Variants in STX11 observed in about 807,000 individuals in gnomAD.
STX11 encodes syntaxin 11, also known as syntaxin-11.
Under a neutral mutation model 19.9 loss-of-function variants are expected in STX11, and 21 were observed. The observed-to-expected ratio is 1.06, with a 90% confidence interval of 0.75 to 1.52. The LOEUF (loss-of-function observed/expected upper bound fraction) is 1.52. Among genes scored for constraint, STX11 ranks in the 40% most tolerant of loss-of-function variants. The pLI, the probability that STX11 is intolerant of heterozygous loss-of-function variation, is 0.00. For synonymous variants in STX11, 193 were observed against 174.4 expected (o/e 1.11, Z -0.84); for missense variants, 438 against 405.9 (o/e 1.08, Z -0.68).
Position 144,175,888 on chromosome 6 carries a change from T to C in STX11, c.-5-10735T>C, listed in dbSNP as rs1801766561. On this transcript the variant is annotated intron_variant, in intron 1 of 1. Transcript: ENST00000367568. The surrounding 1 kb of genome is among the most constrained non-coding windows in gnomAD (Gnocchi z 5.1). ...GACCGATAAAGACAAGGTTGGAAGA[T>C]GTGGCTTACATCTGTGGGACTGTGC... Among the ~76,000 whole-genome samples the C allele has an allele frequency of 6.6e-6, 1 of 152,216 alleles. No individual in the cohort carries two copies. The highest frequency in any genetic ancestry group is 2.4e-5 in the African/African-American group (1 of 41,456).
chr6:144,150,018 G>GTCGGCAGGGTTCTGGGAAGGCGGTGC (rs1443939663), upstream of STX11, among the ~76,000 whole-genome samples: 3,329 of 152,152 alleles, frequency 0.022, 117 homozygotes, highest in African/African-American at 0.075. Flanking sequence ...AGAGAGGTTG[G>GTCGGCAGGGTTCTGGGAAGGCGGTGC]TCGGCAGGGT....
chr6:144,150,601 G>C lies in STX11; in HGVS notation c.-108G>C. The C allele has an allele frequency of 1.0e-6, 1 of 985,450 alleles. No individual in the cohort carries two copies. Among genetic ancestry groups the C allele is most frequent in the Non-Finnish European group, 1.2e-6 (1 of 829,962 alleles). 61.0% of individuals were successfully genotyped at this position (985,450 alleles called of 1,614,324 possible). On this transcript the variant is annotated 5_prime_UTR_variant, in exon 1 of 2. Transcript: ENST00000367568. The stretch of plus-strand genomic sequence containing the variant: ...AGGAGGCGCCGGGAGCGGAGCCGCC[G>C]GGAGTCGCGCAACAGGTTTCCTTCT...
Position 144,155,941 on chromosome 6 carries a change from T to C in STX11, c.-6+5238T>C, listed in dbSNP as rs1391585357. 2.0e-4 allele frequency among the ~76,000 whole-genome samples: 1 copy of C among 5,022 alleles called. No individual in the cohort carries two copies. The highest frequency in any genetic ancestry group is 3.6e-4 in the African/African-American group (1 of 2,766). 3.3% of individuals were successfully genotyped at this position (5,022 alleles called of 152,430 possible). A position where few individuals can be genotyped will look rare whatever the true frequency, so the allele number is the denominator to read the frequency against. ...TAATTAAATGTGTTTTAAAATTTAA[T>C]CTTTCTTTCTTTCTTTCTTTCTTTC... On this transcript the variant is annotated intron_variant, in intron 1 of 1. Coordinates refer to ENST00000367568, the MANE Select transcript of STX11 (RefSeq NM_003764.4). The surrounding 1 kb of genome is among the most constrained non-coding windows in gnomAD (Gnocchi z 4.5).
In STX11 at chr6:144,183,242, C is replaced by A. The variant is rs1801949384; in HGVS notation, c.-5-3381C>A. On this transcript the variant is annotated intron_variant, in intron 1 of 1. Coordinates refer to ENST00000367568, the MANE Select transcript of STX11 (RefSeq NM_003764.4). The surrounding 1 kb of genome is among the most constrained non-coding windows in gnomAD (Gnocchi z 4.6). ...TTTCTGTTTCAGAATGCTGCACATT[C>A]TCTTTCTCCATAACTACTTTTTATG... Among the ~76,000 whole-genome samples, 2 of 152,236 alleles carry A rather than the reference C, an allele frequency of 1.3e-5. No individual in the cohort carries two copies. The highest frequency in any genetic ancestry group is 4.8e-5 in the African/African-American group (2 of 41,472).
intron 1 of STX11, among the ~76,000 whole-genome samples, chr6:144,161,753 T>A (rs1251393346): frequency 6.6e-6 from 1 of 152,214 alleles, no homozygotes; most frequent in Non-Finnish European, 1.5e-5. Context: ...TCTAGATACG[T>A]GCACCCACCA....
At chr6:144,144,924 G>C in the STX11 span, among the ~76,000 whole-genome samples, 1 of 152,310 alleles carries the variant, frequency 6.6e-6, no homozygotes, top group Admixed American at 6.5e-5. Flanking sequence ...GGAGACACTG[G>C]AACCCTTGGG....
In STX11 at chr6:144,172,786, C is replaced by T. The variant is rs1295295096; in HGVS notation, c.-5-13837C>T. ...CAGAGATAGCTCTTCTTATGCTGAT[C>T]CTCTTGATCCCAAGACAATGAACAG... is the stretch of plus-strand genomic sequence containing the variant. On this transcript the variant is annotated intron_variant, in intron 1 of 1. Coordinates refer to ENST00000367568, the MANE Select transcript of STX11 (RefSeq NM_003764.4). This position sits in a 1 kb window ranked among gnomAD's most constrained non-coding sequence, Gnocchi z 4.2. Among the ~76,000 whole-genome samples, 1 of 152,078 alleles carries T rather than the reference C, an allele frequency of 6.6e-6. No individual in the cohort carries two copies. The highest frequency in any genetic ancestry group is 2.4e-5 in the African/African-American group (1 of 41,394).
chr6:144,166,360 G>T (rs1801477185), intron 1 of STX11, among the ~76,000 whole-genome samples: 1 of 152,132 alleles, frequency 6.6e-6, no homozygotes, highest in Non-Finnish European at 1.5e-5. Context: ...TGGCTTAGAT[G>T]CTTCAAGATT....
upstream of STX11, chr6:144,150,420 C>T (rs1800967950): frequency 3.3e-6 from 3 of 901,056 alleles, no homozygotes; most frequent in African/African-American, 1.8e-5. Flanking sequence ...CTCTGTGAGC[C>T]GGCTGCCGCC....
upstream of STX11, chr6:144,150,515 C>T (rs1391900842): frequency 5.1e-6 from 5 of 985,340 alleles, no homozygotes; most frequent in Non-Finnish European, 6.0e-6. Context: ...CCGGCGGCGC[C>T]CAGATGCGGC....
In STX11 at chr6:144,169,257, G is replaced by A. The variant is rs539919452; in HGVS notation, c.-5-17366G>A. On this transcript the variant is annotated intron_variant, in intron 1 of 1. Coordinates refer to ENST00000367568, the MANE Select transcript of STX11 (RefSeq NM_003764.4). The surrounding 1 kb of genome is among the most constrained non-coding windows in gnomAD (Gnocchi z 5.2). ...TCTCAGCTCTAGTCAGTGTCTTTCC[G>A]GGGCAATAACACCAAAACGGTGATG... 2.0e-5 allele frequency among the ~76,000 whole-genome samples: 3 copies of A among 152,244 alleles called. No homozygotes were observed. The highest frequency in any genetic ancestry group is 4.1e-4 in the South Asian group (2 of 4,828).
chr6:144,154,949 C>T lies in STX11; in HGVS notation c.-6+4246C>T, dbSNP rs1332085055. On this transcript the variant is annotated intron_variant, in intron 1 of 1. Coordinates refer to ENST00000367568, the MANE Select transcript of STX11 (RefSeq NM_003764.4). The surrounding 1 kb of genome is among the most constrained non-coding windows in gnomAD (Gnocchi z 4.7). ...AACAACCCTGTCCACCCGCCCCCAC[C>T]GCCTCCAAAAAAATGATCCCAACTC... Among the ~76,000 whole-genome samples, 1 of 152,126 alleles carries T rather than the reference C, an allele frequency of 6.6e-6. No individual in the cohort carries two copies. Among genetic ancestry groups the T allele is most frequent in the Non-Finnish European group, 1.5e-5 (1 of 68,014 alleles).
rs1195968119 is a variant in STX11, at chr6:144,159,380, C to T, written c.-6+8677C>T. ...TATAGAGCTGGAAACCCAGCCTAGT[C>T]TAAGGTCAGAGGAAGTGTCTCATTT... On this transcript the variant is annotated intron_variant, in intron 1 of 1. Coordinates refer to ENST00000367568, the MANE Select transcript of STX11 (RefSeq NM_003764.4). The surrounding 1 kb of genome is among the most constrained non-coding windows in gnomAD (Gnocchi z 4.3). Among the ~76,000 whole-genome samples the T allele has an allele frequency of 6.6e-6, 1 of 152,158 alleles. No individual in the cohort carries two copies. Among genetic ancestry groups the T allele is most frequent in the East Asian group, 1.9e-4 (1 of 5,192 alleles).
At chr6:144,140,762 T>C in the STX11 span, 18 of 984,734 alleles carry the variant, frequency 1.8e-5, no homozygotes, top group South Asian at 9.4e-5. Flanking sequence ...GGGGATGAAA[T>C]GGATGAAGGG....
At position 144,191,396 on chromosome 6, in the gene STX11, CTT is replaced by C. The variant is rs1019335020; in HGVS notation, c.*3909_*3910del. ...AACAACTTAAAAAGAGAACAGTACT[CTT>C]TTTATATCAATGCCTTTACATTTAT... On this transcript the variant is annotated 3_prime_UTR_variant, in exon 2 of 2. Coordinates refer to ENST00000367568, the MANE Select transcript of STX11 (RefSeq NM_003764.4). Among the ~76,000 whole-genome samples the C allele has an allele frequency of 2.6e-5, 4 of 151,034 alleles. No homozygotes were observed. The highest frequency in any genetic ancestry group is 9.8e-5 in the African/African-American group (4 of 40,966).
Position 144,174,037 on chromosome 6 carries a change from A to T in STX11, c.-5-12586A>T, listed in dbSNP as rs1465018422. Among the ~76,000 whole-genome samples, 1 of 152,198 alleles carries T rather than the reference A, an allele frequency of 6.6e-6. No individual in the cohort carries two copies. The highest frequency in any genetic ancestry group is 2.4e-5 in the African/African-American group (1 of 41,436). On this transcript the variant is annotated intron_variant, in intron 1 of 1. Transcript: ENST00000367568. This position sits in a 1 kb window ranked among gnomAD's most constrained non-coding sequence, Gnocchi z 5.3. The stretch of plus-strand genomic sequence containing the variant: ...TTCTCACTATCCTGTTGATTGGCTG[A>T]GCAGTCTTCTGTTGGGCTCTCCGCG...
intron 1 of STX11, among the ~76,000 whole-genome samples, chr6:144,179,449 G>A (rs1439812930): frequency 1.3e-5 from 2 of 152,352 alleles, no homozygotes; most frequent in South Asian, 2.1e-4. Context: ...TCCATTTGTT[G>A]TTCTTTAAGG....
At position 144,187,002 on chromosome 6, in the gene STX11, G is replaced by C; in HGVS notation, c.375G>C (p.Ala125=). 6.2e-7 allele frequency: 1 copy of C among 1,610,384 alleles called. No homozygotes were observed. The highest frequency in any genetic ancestry group is 8.5e-7 in the Non-Finnish European group (1 of 1,179,668). ...EAQHGPHSAV[A]RISRAQYNAL... ...AGCACGGCCCGCACTCGGCAGTGGC[G>C]CGCATTTCGCGGGCGCAGTACAACG... Residue 125 remains alanine, a synonymous_variant, in exon 2 of 2, where the codon GCG becomes GCC. Coordinates refer to ENST00000367568, the MANE Select transcript of STX11 (RefSeq NM_003764.4). The surrounding 1 kb of genome is among the most constrained non-coding windows in gnomAD (Gnocchi z 5.6).
Position 144,170,097 on chromosome 6 carries a change from TG to T in STX11, c.-5-16524del, listed in dbSNP as rs1386842448. Among the ~76,000 whole-genome samples, 54 of 152,362 alleles carry T rather than the reference TG, an allele frequency of 3.5e-4. No individual in the cohort carries two copies. The highest frequency in any genetic ancestry group is 1.3e-3 in the African/African-American group (54 of 41,582). On this transcript the variant is annotated intron_variant, in intron 1 of 1. Coordinates refer to ENST00000367568, the MANE Select transcript of STX11 (RefSeq NM_003764.4). The surrounding 1 kb of genome is among the most constrained non-coding windows in gnomAD (Gnocchi z 4.7). Reference sequence around the variant, plus strand: ...CATTCCAACACCATATTTTTCTGTCTGGTTTCTCCAATAGCTTGATTTTCTT... The same window carrying T: ...CATTCCAACACCATATTTTTCTGTCTGTTTCTCCAATAGCTTGATTTTCTT...
Sources: gnomAD v4.1 joint callset for allele counts (sites outside exome capture counted in the v4.1 genomes callset) on GRCh38, gnomAD v4.1.1 for gene constraint, Gnocchi (gnomAD v3.1) non-coding constraint, MANE v1.5 for transcripts, NCBI Gene and HGNC (gene_info 2026-07-23, HGNC 2026-07-21) for gene names.